The following MEIS1 variants were observed in gnomAD, a reference collection of about 807,000 sequenced individuals.
MEIS1 encodes Meis homeobox 1.
MEIS1 carries 5 observed loss-of-function variants against 50.8 expected under a neutral mutation model. The ratio of observed to expected loss-of-function variants is 0.10; its 90% CI spans 0.05 to 0.21. The LOEUF (loss-of-function observed/expected upper bound fraction) is 0.21, where lower values mean the gene tolerates loss of function less well. MEIS1 is among the 10% of genes least tolerant of loss of function. The pLI is 1.00. For missense variants in MEIS1, 318 were observed against 517.3 expected, an observed-to-expected ratio of 0.61 and a Z score of 3.74; for synonymous variants, 176 against 179.3, an observed-to-expected ratio of 0.98 and a Z score of 0.15.
intron 9 of MEIS1, among the ~76,000 whole-genome samples, chr2:66,563,116 G>A (rs779958605): frequency 6.6e-6 from 1 of 152,016 alleles, no homozygotes. Context: ...GAGTTTTAAG[G>A]GCTATGTAAT....
Position 66,483,213 on chromosome 2 carries a change from C to CT in MEIS1, c.742+18995dup, listed in dbSNP as rs1414883358. Among the ~76,000 whole-genome samples, 12 of 140,720 alleles carry CT rather than the reference C, an allele frequency of 8.5e-5. No individual in the cohort carries two copies. The East Asian group carries it at 2.0e-3, about 24-fold the overall frequency. 92.3% of individuals were successfully genotyped at this position (140,720 alleles called of 152,430 possible). ...GTGTCCATTTCTAAGGGGAGTTATGCTTATTTTTTTTTTTTTGTCTTTTTT... is the reference window on the plus strand; with the variant it reads ...GTGTCCATTTCTAAGGGGAGTTATGCTTTATTTTTTTTTTTTTGTCTTTTTT... On this transcript the variant is annotated intron_variant, in intron 7 of 12. Coordinates refer to ENST00000272369, the MANE Select transcript of MEIS1 (RefSeq NM_002398.3).
chr2:66,545,609 C>T (rs1211979253), intron 8 of MEIS1, among the ~76,000 whole-genome samples: 1 of 152,148 alleles, frequency 6.6e-6, no homozygotes, highest in Non-Finnish European at 1.5e-5. Flanking sequence ...CATAGACCTA[C>T]TGTATATCAA....
chr2:66,455,958 A>G (rs1006244290), intron 6 of MEIS1, among the ~76,000 whole-genome samples: 2 of 152,016 alleles, frequency 1.3e-5, no homozygotes, highest in Non-Finnish European at 2.9e-5. Context: ...GGCTTTAGTG[A>G]TTTCTGAAGC....
At chr2:66,561,182 C>T (rs2300484) in intron 9 of MEIS1, among the ~76,000 whole-genome samples, 41,224 of 151,788 alleles carry the variant, frequency 0.27, 5,875 homozygotes, top group African/African-American at 0.32. Flanking sequence ...TGGGAGATAA[C>T]TAGACCTCTT....
chr2:66,501,751 T>C (rs1008821800), intron 7 of MEIS1, among the ~76,000 whole-genome samples: 2 of 152,332 alleles, frequency 1.3e-5, no homozygotes, highest in South Asian at 2.1e-4. Flanking sequence ...AAATAAATCT[T>C]AAGTAAACTA....
chr2:66,478,540 G>A (rs1672945541), intron 7 of MEIS1, among the ~76,000 whole-genome samples: 1 of 152,188 alleles, frequency 6.6e-6, no homozygotes, highest in East Asian at 1.9e-4. Flanking sequence ...AACTCCTGTT[G>A]ATATCAGTGA....
At position 66,536,939 on chromosome 2, in the gene MEIS1, A is replaced by G. The variant is rs148303247; in HGVS notation, c.889-11004A>G. ...TAAATTTTAGCTTTACAAAGGGGGG[A>G]AATCATTAAAATGTGGTTTGTACCA... On this transcript the variant is annotated intron_variant, in intron 8 of 12. Coordinates refer to ENST00000272369, the MANE Select transcript of MEIS1 (RefSeq NM_002398.3). Among the ~76,000 whole-genome samples the G allele has an allele frequency of 2.8e-4, 43 of 152,260 alleles. No individual in the cohort carries two copies. In the East Asian group the frequency reaches 6.4e-3, roughly 23 times the overall value.
At chr2:66,506,299 G>A (rs1426995278) in intron 7 of MEIS1, among the ~76,000 whole-genome samples, 1 of 152,198 alleles carries the variant, frequency 6.6e-6, no homozygotes, top group Non-Finnish European at 1.5e-5. Flanking sequence ...AGAGGAGATG[G>A]CCATTGAGCT....
chr2:66,512,651 A>T (rs187328017), intron 8 of MEIS1, among the ~76,000 whole-genome samples: 1 of 152,292 alleles, frequency 6.6e-6, no homozygotes, highest in African/African-American at 2.4e-5. Flanking sequence ...CCCTAGAGAG[A>T]GACTTAATAT....
At chr2:66,510,668 C>T (rs1673806151) in intron 7 of MEIS1, among the ~76,000 whole-genome samples, 1 of 151,666 alleles carries the variant, frequency 6.6e-6, no homozygotes, top group Admixed American at 6.6e-5. Flanking sequence ...TAAACTTCAT[C>T]TCAGTACAAG....
At chr2:66,537,979 A>G (rs558935614) in intron 8 of MEIS1, among the ~76,000 whole-genome samples, 4 of 152,322 alleles carry the variant, frequency 2.6e-5, no homozygotes, top group Admixed American at 2.0e-4. Flanking sequence ...TGCATGTTCA[A>G]GTGAAATTCT....
intron 8 of MEIS1, among the ~76,000 whole-genome samples, chr2:66,541,182 T>G (rs1674643886): frequency 6.6e-6 from 1 of 151,880 alleles, no homozygotes; most frequent in Non-Finnish European, 1.5e-5. Context: ...GGACTACAGG[T>G]GCCCACCACC....
chr2:66,537,674 A>G (rs1269842171), intron 8 of MEIS1, among the ~76,000 whole-genome samples: 1 of 152,214 alleles, frequency 6.6e-6, no homozygotes, highest in Non-Finnish European at 1.5e-5. Context: ...GGCATCTGTA[A>G]AGGCAATAAT....
chr2:66,444,110 T>C (rs1573123975), intron 6 of MEIS1, among the ~76,000 whole-genome samples: 1 of 152,092 alleles, frequency 6.6e-6, no homozygotes, highest in South Asian at 2.1e-4. Flanking sequence ...CTCAGAACAG[T>C]TCCGTTGCGA....
At chr2:66,467,974 T>C (rs1410821653) in intron 7 of MEIS1, among the ~76,000 whole-genome samples, 1 of 152,224 alleles carries the variant, frequency 6.6e-6, no homozygotes, top group African/African-American at 2.4e-5. Context: ...ATTGAATCCT[T>C]ATTTTATCCC....
At chr2:66,542,441 G>C (rs1181353855) in intron 8 of MEIS1, among the ~76,000 whole-genome samples, 1 of 151,640 alleles carries the variant, frequency 6.6e-6, no homozygotes, top group Admixed American at 6.6e-5. Flanking sequence ...AACATATTCA[G>C]CCAAGCAACA....
chr2:66,492,515 G>A (rs1673297456), intron 7 of MEIS1, among the ~76,000 whole-genome samples: 1 of 152,092 alleles, frequency 6.6e-6, no homozygotes, highest in African/African-American at 2.4e-5. Context: ...ACTGCCTCCT[G>A]GGCAACTAAG....
chr2:66,502,405 T>A (rs1022755755), intron 7 of MEIS1, among the ~76,000 whole-genome samples: 1 of 152,226 alleles, frequency 6.6e-6, no homozygotes, highest in African/African-American at 2.4e-5. Flanking sequence ...TTAAAAACCT[T>A]TACTTATTAC....
chr2:66,493,840 A>G (rs1352422316), intron 7 of MEIS1, among the ~76,000 whole-genome samples: 1 of 152,210 alleles, frequency 6.6e-6, no homozygotes, highest in African/African-American at 2.4e-5. Context: ...TAAAATGATC[A>G]TTTGAATTGC....
Sources: allele counts gnomAD v4.1 joint callset (sites outside exome capture counted in the v4.1 genomes callset), GRCh38; gene constraint gnomAD v4.1.1; transcripts MANE v1.5; gene names NCBI Gene and HGNC (gene_info 2026-07-23, HGNC 2026-07-21).